Variants in AR observed in about 807,000 individuals in gnomAD.
The protein encoded by AR is dihydrotestosterone receptor.
Under a neutral mutation model 53.9 loss-of-function variants are expected in AR, and 8 were observed. The observed-to-expected ratio is 0.15, with a 90% CI of 0.09 to 0.27. The LOEUF is 0.27. Among genes scored for constraint, AR ranks in the 10% least tolerant of loss-of-function variants. AR has a pLI of 1.00. For missense variants in AR, 639 were observed against 742.5 expected, an observed-to-expected ratio of 0.86 and a Z score of 1.62; for synonymous variants, 359 against 316.4, an observed-to-expected ratio of 1.13 and a Z score of -1.43.
At chrX:67,658,744 A>G (rs1478565698) in intron 2 of AR, among the ~76,000 whole-genome samples, 1 of 112,199 alleles carries the variant, frequency 8.9e-6, no homozygotes, top group Non-Finnish European at 1.9e-5. Context: ...TTCTTTGGAC[A>G]TTAGAAAACC....
chrX:67,648,150 G>A (rs988836916), intron 2 of AR, among the ~76,000 whole-genome samples: 4 of 111,105 alleles, frequency 3.6e-5, no homozygotes, highest in African/African-American at 9.8e-5. Context: ...AGAATACCTG[G>A]CCTAGTGGCT....
intron 4 of AR, among the ~76,000 whole-genome samples, chrX:67,713,841 A>G (rs2076102869): frequency 8.9e-6 from 1 of 111,938 alleles, no homozygotes; most frequent in African/African-American, 3.2e-5. Context: ...TTCACCATCT[A>G]GCTTGCCAGA....
intron 1 of AR, among the ~76,000 whole-genome samples, chrX:67,617,602 T>A (rs1168925024): frequency 1.8e-5 from 2 of 111,950 alleles, no homozygotes; most frequent in Admixed American, 1.9e-4. Flanking sequence ...AAGGTTCCCT[T>A]GACTCATGTA....
In AR at chrX:67,593,596, C is replaced by T. The variant is rs376858941; in HGVS notation, c.1616+46834C>T. ...CGATCTCTTGACCTCATGATCTGCC[C>T]GCCTTGCCCTCCCAAAGTGCTGGGA... On this transcript the variant is annotated intron_variant, in intron 1 of 7. Transcript: ENST00000374690. Among the ~76,000 whole-genome samples the T allele has an allele frequency of 2.1e-4, 23 of 110,920 alleles. 1 individual carries two copies. In the South Asian group the frequency reaches 5.8e-3, roughly 28 times the overall value.
At chrX:67,644,890 T>C (rs766766410) in intron 2 of AR, among the ~76,000 whole-genome samples, 29 of 111,520 alleles carry the variant, frequency 2.6e-4, no homozygotes, top group Admixed American at 1.6e-3. Context: ...CCTAGAGCAG[T>C]GCCTAAAGAG....
At chrX:67,686,903 A>G (rs1021871584) in intron 3 of AR, among the ~76,000 whole-genome samples, 3 of 110,819 alleles carry the variant, frequency 2.7e-5, no homozygotes, top group Non-Finnish European at 3.8e-5. Context: ...ATTGAGACTT[A>G]TATTTTCCCT....
chrX:67,642,724 T>C (rs1442664105), intron 1 of AR, among the ~76,000 whole-genome samples: 1 of 111,956 alleles, frequency 8.9e-6, no homozygotes, highest in Non-Finnish European at 1.9e-5. Flanking sequence ...TGGCATTTTA[T>C]CCATTATCTG....
chrX:67,662,435 T>C (rs1027365506), intron 2 of AR, among the ~76,000 whole-genome samples: 6 of 111,783 alleles, frequency 5.4e-5, no homozygotes, highest in Admixed American at 3.8e-4. Flanking sequence ...ATTTCTGCCT[T>C]CATTTCATTA....
intron 1 of AR, among the ~76,000 whole-genome samples, chrX:67,556,763 G>C (rs1476865273): frequency 9.0e-6 from 1 of 111,533 alleles, no homozygotes; most frequent in Non-Finnish European, 1.9e-5. Context: ...ATTTTGAGTA[G>C]TGACCTGAAG....
chrX:67,570,465 T>A (rs1341746159), intron 1 of AR, among the ~76,000 whole-genome samples: 2 of 111,988 alleles, frequency 1.8e-5, no homozygotes, highest in Non-Finnish European at 3.8e-5. Flanking sequence ...CAGTTAAAAA[T>A]TATGCACAGT....
chrX:67,556,410 G>A (rs372918505), intron 1 of AR, among the ~76,000 whole-genome samples: 1 of 111,843 alleles, frequency 8.9e-6, no homozygotes, highest in Non-Finnish European at 1.9e-5. Flanking sequence ...AAGGCTTCTA[G>A]GTTTGTTACC....
chrX:67,620,579 T>C (rs1281548192), intron 1 of AR, among the ~76,000 whole-genome samples: 16 of 111,628 alleles, frequency 1.4e-4, no homozygotes, highest in Non-Finnish European at 3.0e-4. Flanking sequence ...AGGAAACTTA[T>C]GGGAAGGGAG....
intron 1 of AR, among the ~76,000 whole-genome samples, chrX:67,561,772 A>G (rs1356046278): frequency 9.0e-6 from 1 of 110,911 alleles, no homozygotes; most frequent in African/African-American, 3.3e-5. Flanking sequence ...TTTGTAAAGC[A>G]TGGAGGAGCT....
chrX:67,702,264 T>C (rs1200103700), intron 3 of AR, among the ~76,000 whole-genome samples: 2 of 111,530 alleles, frequency 1.8e-5, no homozygotes, highest in African/African-American at 6.5e-5. Context: ...GACTAAATGG[T>C]CTGGCAACTC....
intron 3 of AR, among the ~76,000 whole-genome samples, chrX:67,710,090 G>T (rs185217572): frequency 9.0e-6 from 1 of 110,567 alleles, no homozygotes; most frequent in African/African-American, 3.3e-5. Context: ...GTGCGTGTGT[G>T]TGTGTGTGTG....
chrX:67,681,037 A>T (rs775790350), intron 2 of AR: 35 of 187,443 alleles, frequency 1.9e-4, no homozygotes, highest in Non-Finnish European at 2.8e-4. Context: ...CTAATAAGAC[A>T]GTTATTATGC....
intron 4 of AR, among the ~76,000 whole-genome samples, chrX:67,715,607 T>C (rs1367602480): frequency 1.8e-5 from 2 of 111,404 alleles, no homozygotes; most frequent in Non-Finnish European, 3.8e-5. Context: ...ATTAGTGGAG[T>C]AGAAAAAACA....
At chrX:67,662,791 T>C (rs1161234930) in intron 2 of AR, among the ~76,000 whole-genome samples, 1 of 111,470 alleles carries the variant, frequency 9.0e-6, no homozygotes, top group Non-Finnish European at 1.9e-5. Context: ...GGACTTGCTT[T>C]ATGAATCTGG....
Position 67,553,377 on chromosome X carries a change from A to C in AR, c.1616+6615A>C, listed in dbSNP as rs765958787. Among the ~76,000 whole-genome samples the C allele has an allele frequency of 2.7e-5, 3 of 112,043 alleles. No individual in the cohort carries two copies. The East Asian group carries it at 8.4e-4, about 31-fold the overall frequency. On this transcript the variant is annotated intron_variant, in intron 1 of 7. Transcript: ENST00000374690. ...CAGTTGACCGTAAATGTGAGGGTTT[A>C]ATTGTGGACTCTCAACTATATTCAG... is the stretch of plus-strand genomic sequence containing the variant.
Sources: allele counts gnomAD v4.1 joint callset (sites outside exome capture counted in the v4.1 genomes callset), GRCh38; gene constraint gnomAD v4.1.1; transcripts MANE v1.5; gene names NCBI Gene and HGNC (gene_info 2026-07-23, HGNC 2026-07-21).